Variants in PPP2R5C observed in about 807,000 individuals in gnomAD.
PPP2R5C encodes serine/threonine-protein phosphatase 2A 56 kDa regulatory subunit gamma isoform.
In PPP2R5C, 7 loss-of-function variants were observed where a neutral mutation model predicts 68.9. The ratio of observed to expected loss-of-function variants is 0.10; its 90% CI spans 0.06 to 0.19. The LOEUF is 0.19. Ranked by LOEUF, PPP2R5C falls within the 10% of genes least tolerant of loss-of-function variation. The pLI is 1.00. For missense variants in PPP2R5C, 348 were observed against 641.3 expected (o/e 0.54, Z 4.94); for synonymous variants, 210 against 222.2 (o/e 0.95, Z 0.49).
chr14:101,908,754 G>GT (rs903717205), intron 10 of PPP2R5C, among the ~76,000 whole-genome samples: 1 of 151,874 alleles, frequency 6.6e-6, no homozygotes, highest in African/African-American at 2.4e-5. Flanking sequence ...GTGTAATTTA[G>GT]TTTAGTATGT....
At chr14:101,761,511 G>A (rs2036524354), upstream of PPP2R5C, among the ~76,000 whole-genome samples, 1 of 149,754 alleles carries the variant, frequency 6.7e-6, no homozygotes, top group Non-Finnish European at 1.5e-5. Flanking sequence ...GGGGAGCGGG[G>A]AGCGTTAGGG....
intron 2 of PPP2R5C, among the ~76,000 whole-genome samples, chr14:101,865,006 AT>A (rs2042970913): frequency 6.6e-6 from 1 of 152,146 alleles, no homozygotes; most frequent in South Asian, 2.1e-4. Flanking sequence ...AAATGCAGAG[AT>A]GTTAAGAAGG....
intron 1 of PPP2R5C, chr14:101,823,874 G>GA: frequency 1.6e-6 from 2 of 1,251,084 alleles, no homozygotes; most frequent in South Asian, 2.7e-5. Flanking sequence ...CAGTGCAGCT[G>GA]AAACCAGGTT....
intron 2 of PPP2R5C, among the ~76,000 whole-genome samples, chr14:101,776,490 T>C (rs1287778970): frequency 1.3e-5 from 2 of 152,212 alleles, no homozygotes; most frequent in African/African-American, 2.4e-5. Context: ...TCTCACTTCC[T>C]ATTCAGCCAA....
chr14:101,804,410 A>G (rs1378549235), intron 3 of PPP2R5C, among the ~76,000 whole-genome samples: 1 of 152,248 alleles, frequency 6.6e-6, no homozygotes, highest in Admixed American at 6.5e-5. Flanking sequence ...TCAAAGAGAT[A>G]TCTGCACTCC....
chr14:101,832,017 C>G (rs2040776113), intron 1 of PPP2R5C, among the ~76,000 whole-genome samples: 1 of 152,192 alleles, frequency 6.6e-6, no homozygotes, highest in African/African-American at 2.4e-5. Flanking sequence ...AATAGTATTG[C>G]ATTTGTAGAA....
chr14:101,912,932 T>C (rs1246821185), intron 12 of PPP2R5C, among the ~76,000 whole-genome samples: 1 of 152,252 alleles, frequency 6.6e-6, no homozygotes, highest in East Asian at 1.9e-4. Flanking sequence ...CAGCCTTTTA[T>C]CATTAAAAAT....
rs1430324813 is a variant in PPP2R5C at position 101,781,780 on chromosome 14, C to T, written c.94-4238C>T. ...CTCCTGCGTTGCGCGCTCCAACCCT[C>T]TGCTTGGCCGCCCGCGAACCGCGCT... On this transcript the variant is annotated intron_variant, in intron 2 of 14. Coordinates refer to the PPP2R5C transcript ENST00000328724. The surrounding 1 kb of genome is among the most constrained non-coding windows in gnomAD (Gnocchi z 6.4). Among the ~76,000 whole-genome samples, 1 of 151,876 alleles carries T rather than the reference C, an allele frequency of 6.6e-6. No individual in the cohort carries two copies. The highest frequency in any genetic ancestry group is 1.5e-5 in the Non-Finnish European group (1 of 67,920).
At chr14:101,761,781 GGGC>G (rs547036580), upstream of PPP2R5C, 355 of 968,942 alleles carry the variant, frequency 3.7e-4, no homozygotes, top group East Asian at 1.1e-3. Flanking sequence ...CTCAGTCCCC[GGGC>G]GGCGGCGGCG....
chr14:101,815,088 C>T (rs1218376266), intron 1 of PPP2R5C, among the ~76,000 whole-genome samples: 2 of 152,178 alleles, frequency 1.3e-5, no homozygotes, highest in African/African-American at 2.4e-5. Context: ...TACCTCTGTT[C>T]TCTCTCTGAA....
rs75608119 is a variant in PPP2R5C, at chr14:101,890,470, G to A, written c.689+174G>A. Among the ~76,000 whole-genome samples the A allele has an allele frequency of 7.2e-5, 11 of 152,274 alleles. No homozygotes were observed. In the East Asian group the frequency reaches 1.5e-3, roughly 21 times the overall value. On this transcript the variant is annotated intron_variant, in intron 6 of 13. Coordinates refer to ENST00000334743, the Ensembl canonical transcript of PPP2R5C. ...TTGGTGAGCTCTTAGATTAGAGCAC[G>A]CCAAATGACAAATCTCTCCCATTTT...
intron 12 of PPP2R5C, chr14:101,912,721 C>T: frequency 4.3e-6 from 3 of 690,510 alleles, no homozygotes; most frequent in Non-Finnish European, 5.9e-6. Context: ...GAATCTTATG[C>T]ATATACTGTG....
chr14:101,832,008 A>G (rs936181268), intron 1 of PPP2R5C, among the ~76,000 whole-genome samples: 2 of 152,220 alleles, frequency 1.3e-5, no homozygotes, highest in African/African-American at 4.8e-5. Context: ...GAGCTTCTAA[A>G]TAGTATTGCA....
At chr14:101,832,762 G>A (rs1187335159) in intron 1 of PPP2R5C, among the ~76,000 whole-genome samples, 1 of 152,076 alleles carries the variant, frequency 6.6e-6, no homozygotes, top group Non-Finnish European at 1.5e-5. Context: ...ACCCCTCTGT[G>A]TCCTCATCCA....
At chr14:101,909,004 A>T (rs1322654902) in intron 10 of PPP2R5C, among the ~76,000 whole-genome samples, 1 of 151,858 alleles carries the variant, frequency 6.6e-6, no homozygotes, top group Non-Finnish European at 1.5e-5. Context: ...CTGCTGGGGG[A>T]TCGGGGCTCT....
intron 1 of PPP2R5C, among the ~76,000 whole-genome samples, chr14:101,834,883 G>A (rs987652111): frequency 1.3e-5 from 2 of 152,194 alleles, no homozygotes; most frequent in African/African-American, 4.8e-5. Flanking sequence ...ATTATATCCA[G>A]CTCGCTGGTG....
chr14:101,804,027 G>GA (rs975373841), intron 3 of PPP2R5C, among the ~76,000 whole-genome samples: 8 of 151,914 alleles, frequency 5.3e-5, no homozygotes, highest in Admixed American at 2.0e-4. Context: ...AACTCTATAG[G>GA]AAAAAAAACT....
chr14:101,838,603 C>T (rs998977724), intron 1 of PPP2R5C, among the ~76,000 whole-genome samples: 1 of 152,350 alleles, frequency 6.6e-6, no homozygotes, highest in East Asian at 1.9e-4. Context: ...CCCCCTCGCC[C>T]CAGGAGGCTG....
intron 8 of PPP2R5C, among the ~76,000 whole-genome samples, chr14:101,898,960 G>A (rs1169735603): frequency 6.6e-6 from 1 of 152,138 alleles, no homozygotes; most frequent in Non-Finnish European, 1.5e-5. Flanking sequence ...TGGTGTCCAC[G>A]TCCATCTCCC....
Sources: gnomAD v4.1 joint callset for allele counts (sites outside exome capture counted in the v4.1 genomes callset) on GRCh38, gnomAD v4.1.1 for gene constraint, Gnocchi (gnomAD v3.1) non-coding constraint, MANE v1.5 for transcripts, NCBI Gene and HGNC (gene_info 2026-07-23, HGNC 2026-07-21) for gene names.